NR1D1: variants seen among roughly 807,000 people sequenced by gnomAD.
NR1D1 encodes the protein nuclear receptor subfamily 1 group D member 1.
NR1D1 carries 17 observed loss-of-function variants against 51.1 expected under a neutral mutation model. The ratio of observed to expected loss-of-function variants is 0.33; its 90% CI spans 0.23 to 0.50. NR1D1 has a LOEUF of 0.50. Among genes scored for constraint, NR1D1 ranks in the 20% least tolerant of loss-of-function variants. The pLI is 0.98. For missense variants in NR1D1, 647 were observed against 830.4 expected, an observed-to-expected ratio of 0.78 and a Z score of 2.71; for synonymous variants, 341 against 333.4, an observed-to-expected ratio of 1.02 and a Z score of -0.25.
intron 1 of NR1D1, among the ~76,000 whole-genome samples, chr17:40,099,296 G>C (rs1448036919): frequency 6.6e-6 from 1 of 152,240 alleles, no homozygotes; most frequent in African/African-American, 2.4e-5. Context: ...ACGATAGCAG[G>C]GCCAGGACAA....
intron 1 of NR1D1, among the ~76,000 whole-genome samples, chr17:40,099,684 G>A (rs1987837591): frequency 6.6e-6 from 1 of 152,142 alleles, no homozygotes; most frequent in Non-Finnish European, 1.5e-5. Flanking sequence ...GAGGGGAGGG[G>A]GTCCGTTTTC....
chr17:40,099,719 A>G (rs1424908794), intron 1 of NR1D1, among the ~76,000 whole-genome samples: 2 of 152,156 alleles, frequency 1.3e-5, no homozygotes, highest in Non-Finnish European at 1.5e-5. Flanking sequence ...CTACAGCTGC[A>G]GGTAGTGGAC....
At position 40,097,048 on chromosome 17, in the gene NR1D1, G is replaced by A; in HGVS notation, c.370+17C>T. On this transcript the variant is annotated intron_variant, in intron 2 of 7. Transcript: ENST00000246672. ...GGCCTGCTTCCCTTCCCCCGAATCA[G>A]CTGGAAAGGTACTCACTGGTGATGT... 1 of 1,570,650 alleles carries A rather than the reference G, an allele frequency of 6.4e-7. No individual in the cohort carries two copies. The highest frequency in any genetic ancestry group is 8.6e-7 in the Non-Finnish European group (1 of 1,157,704).
chr17:40,093,315 C>T lies in NR1D1; in HGVS notation c.1646-33G>A. The T allele has an allele frequency of 6.2e-7, 1 of 1,613,338 alleles. No individual in the cohort carries two copies. The highest frequency in any genetic ancestry group is 1.7e-5 in the Admixed American group (1 of 60,012). Reference sequence around the variant, plus strand: ...GAAGACGACAGCAGTGAGGCGGACTCCCCGAGCTCCTCTGAGGAGGAACCG... The same window carrying T: ...GAAGACGACAGCAGTGAGGCGGACTTCCCGAGCTCCTCTGAGGAGGAACCG... On this transcript the variant is annotated intron_variant, in intron 7 of 7. Coordinates refer to ENST00000246672, the MANE Select transcript of NR1D1 (RefSeq NM_021724.5). This position sits in a 1 kb window ranked among gnomAD's most constrained non-coding sequence, Gnocchi z 5.9.
Position 40,094,930 on chromosome 17 carries a change from C to T in NR1D1, c.1434+5G>A. ...CAAAAACCAGAAGCATAAACGGTCA[C>T]TCACCTCAAAGGTGCCAGCCTTAAG... On this transcript the variant is annotated splice_donor_5th_base_variant and intron_variant, in intron 6 of 7. Transcript: ENST00000246672. 6.2e-7 allele frequency: 1 copy of T among 1,613,310 alleles called. No individual in the cohort carries two copies. The highest frequency in any genetic ancestry group is 8.5e-7 in the Non-Finnish European group (1 of 1,179,652).
chr17:40,097,239 G>A lies in NR1D1; in HGVS notation c.196C>T (p.Arg66Cys). Residue 66 changes from arginine to cysteine, a missense_variant, in exon 2 of 8, where the codon CGC (arginine) becomes TGC (cysteine). By Grantham distance (180) the Arg-to-Cys change is radical (BLOSUM62 -3). Coordinates refer to ENST00000246672, the MANE Select transcript of NR1D1 (RefSeq NM_021724.5). ...PTGSLTQDPARSFGSIPPSLS... is the reference protein window; with the variant it reads ...PTGSLTQDPACSFGSIPPSLS... ...CTGGGTGGAATGCTCCCAAAGGAGC[G>A]AGCCGGGTCTTGGGTGAGGGAGCCA... The A allele has an allele frequency of 3.7e-6, 6 of 1,611,706 alleles. No individual in the cohort carries two copies. The highest frequency in any genetic ancestry group is 4.5e-5 in the East Asian group (2 of 44,824).
Position 40,095,822 on chromosome 17 carries a change from G to A in NR1D1, c.870C>T (p.Ser290=), listed in dbSNP as rs201946464. ...TCTCTCGATGGGCCCGGGCCACCTGGGATATCACATCCTCCACTGTGGGCT... is the reference window on the plus strand; with the variant it reads ...TCTCTCGATGGGCCCGGGCCACCTGAGATATCACATCCTCCACTGTGGGCT... ...SPEPTVEDVI[S]QVARAHREIF... The change falls in exon 5 of 8, where the codon TCC becomes TCT. Residue 290 remains serine (S), a synonymous_variant. Coordinates refer to ENST00000246672, the MANE Select transcript of NR1D1 (RefSeq NM_021724.5). 1 of 1,613,730 alleles carries A rather than the reference G, an allele frequency of 6.2e-7. No homozygotes were observed. Among genetic ancestry groups the A allele is most frequent in the Non-Finnish European group, 8.5e-7 (1 of 1,179,902 alleles).
intron 6 of NR1D1, among the ~76,000 whole-genome samples, chr17:40,094,343 G>A (rs566086184): frequency 3.5e-4 from 53 of 152,302 alleles, no homozygotes; most frequent in Non-Finnish European, 6.3e-4. Flanking sequence ...GTGACCTTGG[G>A]CAAGGCATTC....
In NR1D1 at chr17:40,092,943, G is replaced by A. The variant is rs903514551; in HGVS notation, c.*140C>T. On this transcript the variant is annotated 3_prime_UTR_variant, in exon 8 of 8. Transcript: ENST00000246672. ...AGGTATTTACAAGAAGGCTCAGGGG[G>A]CCAGAGGCTCATCTTGGAATATTTT... 1.3e-6 allele frequency: 2 copies of A among 1,540,218 alleles called. No individual in the cohort carries two copies. The highest frequency in any genetic ancestry group is 1.3e-5 in the South Asian group (1 of 79,778).
In NR1D1 at chr17:40,093,429, C is replaced by T; in HGVS notation, c.1646-147G>A. The T allele has an allele frequency of 6.4e-6, 10 of 1,561,844 alleles. No homozygotes were observed. The highest frequency in any genetic ancestry group is 8.7e-6 in the Non-Finnish European group (10 of 1,152,274). On this transcript the variant is annotated intron_variant, in intron 7 of 7. Coordinates refer to ENST00000246672, the MANE Select transcript of NR1D1 (RefSeq NM_021724.5). This position sits in a 1 kb window ranked among gnomAD's most constrained non-coding sequence, Gnocchi z 5.9. ...GGAAGGAGAAGGAGTGCCATACCTT[C>T]TCCCAGGCCTCTGCCCCAAGAGCAG...
intron 4 of NR1D1, 78 bp from the exon 5 acceptor site, chr17:40,096,165 G>A (rs1464837649): frequency 1.3e-6 from 2 of 1,549,050 alleles, no homozygotes; most frequent in Non-Finnish European, 1.7e-6. Context: ...CTCCTGAAAG[G>A]GCAAGGCCCT....
chr17:40,095,424 G>A lies in NR1D1; in HGVS notation c.1248+20C>T, dbSNP rs571439882. On this transcript the variant is annotated intron_variant, in intron 5 of 7. Transcript: ENST00000246672. ...CCCCCCCAATCTTCTTAACGCACTC[G>A]CCCGCCCCCATGCCCTTACCAGCAG... 16 of 1,515,748 alleles carry A rather than the reference G, an allele frequency of 1.1e-5. No homozygotes were observed. Among genetic ancestry groups the A allele is most frequent in the Admixed American group, 6.7e-5 (3 of 44,820 alleles). 93.9% of individuals were successfully genotyped at this position (1,515,748 alleles called of 1,614,324 possible). A position where few individuals can be genotyped will look rare whatever the true frequency, so the allele number is the denominator to read the frequency against.
intron 1 of NR1D1, among the ~76,000 whole-genome samples, chr17:40,099,856 C>G (rs1987842287): frequency 6.6e-6 from 1 of 152,016 alleles, no homozygotes; most frequent in Non-Finnish European, 1.5e-5. Context: ...CTTTGGGACT[C>G]TGAGGGGTGG....
At position 40,093,282 on chromosome 17, in the gene NR1D1, T is replaced by C. The variant is rs1598401400; in HGVS notation, c.1646A>G (p.Asp549Gly). ...AGCGGAATTCTCCATGCCCGAGCGG[T>C]CTGTGGGGAAGACGACAGCAGTGAG... ...LFTAVVLVSA[D>G]RSGMENSASV... Residue 549 changes from aspartate (D) to glycine (G), a missense_variant and splice_region_variant, in exon 8 of 8, where the codon GAC (aspartate) becomes GGC (glycine). Around this residue, in one of 7 missense-constraint regions of NR1D1, gnomAD observed 155 missense variants for 236.8 expected, o/e 0.65. Transcript: ENST00000246672. This position sits in a 1 kb window ranked among gnomAD's most constrained non-coding sequence, Gnocchi z 5.9. The C allele has an allele frequency of 6.2e-7, 1 of 1,613,496 alleles. No individual in the cohort carries two copies. The highest frequency in any genetic ancestry group is 8.5e-7 in the Non-Finnish European group (1 of 1,179,998).
Position 40,095,472 on chromosome 17 carries a change from C to T in NR1D1, c.1220G>A (p.Arg407Gln), listed in dbSNP as rs749336987. ...CAGAACATTCTTTGAGTTGCCCTGC[C>T]GGGGACTGTTGGCAGGTGCCTTGCC... is the stretch of plus-strand genomic sequence containing the variant. The part of the protein sequence containing the change: ...PEGKAPANSP[R>Q]QGNSKNVLLA... Residue 407 changes from arginine to glutamine, a missense_variant, in exon 5 of 8, where the codon CGG becomes CAG. By Grantham distance (43) the Arg-to-Gln change is conservative. Transcript: ENST00000246672. 1.8e-5 allele frequency: 28 copies of T among 1,540,096 alleles called. No individual in the cohort carries two copies. The highest frequency in any genetic ancestry group is 3.9e-4 in the Middle Eastern group (2 of 5,186).
In NR1D1 at chr17:40,096,778, C is replaced by T. The variant is rs1454253113; in HGVS notation, c.372G>A (p.Lys124=). Residue 124 remains lysine, a splice_region_variant and synonymous_variant, in exon 3 of 8, where the codon AAG becomes AAA. Coordinates refer to ENST00000246672, the MANE Select transcript of NR1D1 (RefSeq NM_021724.5). ...SPSKSTSNIT[K]LNGMVLLCKV... is the part of the protein sequence containing the mutation. ...TACACAGTAACACCATGCCATTCAG[C>T]TCTGTGGAAGAGACGGGCAGCAGGT... 1.9e-6 allele frequency: 3 copies of T among 1,614,166 alleles called. No homozygotes were observed. Among genetic ancestry groups the T allele is most frequent in the Non-Finnish European group, 2.5e-6 (3 of 1,180,024 alleles).
rs200522113 is a variant in NR1D1, at chr17:40,093,872, G to A, written c.1645+40C>T. The A allele has an allele frequency of 1.4e-5, 22 of 1,588,716 alleles. No individual in the cohort carries two copies. The highest frequency in any genetic ancestry group is 4.5e-5 in the East Asian group (2 of 44,762). ...TAAAAGGTGTGTTGAATTGAACTGCGTCTGCCTCCTCCCCCGGGTCAGGCG... is the reference window on the plus strand; with the variant it reads ...TAAAAGGTGTGTTGAATTGAACTGCATCTGCCTCCTCCCCCGGGTCAGGCG... On this transcript the variant is annotated intron_variant, in intron 7 of 7. Coordinates refer to ENST00000246672, the MANE Select transcript of NR1D1 (RefSeq NM_021724.5). The surrounding 1 kb of genome is among the most constrained non-coding windows in gnomAD (Gnocchi z 5.9).
chr17:40,097,239 G>T lies in NR1D1; in HGVS notation c.196C>A (p.Arg66Ser). 6.2e-7 allele frequency: 1 copy of T among 1,611,706 alleles called. No homozygotes were observed. The highest frequency in any genetic ancestry group is 8.5e-7 in the Non-Finnish European group (1 of 1,178,214). The change falls in exon 2 of 8, where the codon CGC becomes AGC. Residue 66 changes from arginine to serine, a missense_variant. Transcript: ENST00000246672. ...PTGSLTQDPA[R>S]SFGSIPPSLS... ...CTGGGTGGAATGCTCCCAAAGGAGC[G>T]AGCCGGGTCTTGGGTGAGGGAGCCA...
rs752031021 is a variant in NR1D1 at position 40,095,016 on chromosome 17, T to G, written c.1353A>C (p.Val451=). Residue 451 remains valine, a synonymous_variant, in exon 6 of 8, where the codon GTA becomes GTC. Transcript: ENST00000246672. ...MSFTPAVREV[V]EFAKHIPGFR... ...AGCCCGGGATGTGTTTGGCAAACTC[T>G]ACCACCTCCCGCACAGCGGGCGTGA... 4 of 1,614,040 alleles carry G rather than the reference T, an allele frequency of 2.5e-6. No homozygotes were observed. In the Admixed American group the frequency reaches 6.7e-5, roughly 27 times the overall value.
Sources: allele counts gnomAD v4.1 joint callset (sites outside exome capture counted in the v4.1 genomes callset), GRCh38; gene constraint gnomAD v4.1.1; regional missense constraint gnomAD v4.1.1; non-coding constraint Gnocchi (gnomAD v3.1); transcripts MANE v1.5; gene names NCBI Gene and HGNC (gene_info 2026-07-23, HGNC 2026-07-21).